Variants in CACNA1E observed in about 807,000 individuals in gnomAD.
CACNA1E encodes the protein calcium voltage-gated channel subunit alpha1 E.
Under a neutral mutation model 259.2 loss-of-function variants are expected in CACNA1E, and 40 were observed. That is an observed-to-expected ratio of 0.15 (90% CI 0.12 to 0.20). The LOEUF is 0.20. CACNA1E is among the 10% of genes least tolerant of loss of function. The probability of loss-of-function intolerance (pLI) is 1.00; values close to 1 mark genes in which losing one functional copy is unlikely to be tolerated. For synonymous variants in CACNA1E, 1,104 were observed against 1,138.5 expected, an observed-to-expected ratio of 0.97 and a Z score of 0.61; for missense variants, 1,874 against 3,040.1, an observed-to-expected ratio of 0.62 and a Z score of 9.02.
chr1:181,708,262 C>T (rs1228556006), intron 7 of CACNA1E, among the ~76,000 whole-genome samples: 1 of 152,116 alleles, frequency 6.6e-6, no homozygotes, highest in Non-Finnish European at 1.5e-5. Context: ...GCTTCATCCT[C>T]TTCATTGAGC....
At chr1:181,784,367 C>T (rs917641485) in intron 40 of CACNA1E, among the ~76,000 whole-genome samples, 2 of 152,168 alleles carry the variant, frequency 1.3e-5, no homozygotes, top group African/African-American at 2.4e-5. Flanking sequence ...TTATTTTCTC[C>T]TCTGATGTAT....
At chr1:181,766,497 T>A (rs1462198177) in intron 34 of CACNA1E, 49 bp from the exon 35 acceptor site, 1 of 1,411,532 alleles carries the variant, frequency 7.1e-7, no homozygotes, top group East Asian at 2.3e-5. Flanking sequence ...TTGTTGAGCT[T>A]GGGTGCTGCT....
At chr1:181,429,181 T>TA (rs1182460320) in intron 2 of CACNA1E, among the ~76,000 whole-genome samples, 16 of 151,646 alleles carry the variant, frequency 1.1e-4, no homozygotes, top group South Asian at 6.3e-4. Context: ...GATTCCATCT[T>TA]AAAAAAAACA....
At chr1:181,364,656 G>A (rs1043877299) in intron 1 of CACNA1E, among the ~76,000 whole-genome samples, 1 of 152,218 alleles carries the variant, frequency 6.6e-6, no homozygotes, top group African/African-American at 2.4e-5. Flanking sequence ...TCCTTGGTGA[G>A]TAGCTGTGCC....
chr1:181,759,453 A>C (rs1170194657), intron 32 of CACNA1E, among the ~76,000 whole-genome samples: 1 of 149,852 alleles, frequency 6.7e-6, no homozygotes, highest in Non-Finnish European at 1.5e-5. Context: ...AGGATTCTGG[A>C]ATTAAGTTTG....
intron 35 of CACNA1E, among the ~76,000 whole-genome samples, chr1:181,769,955 G>T (rs199925): frequency 0.81 from 123,005 of 152,036 alleles, 50,093 homozygotes; most frequent in South Asian, 0.87. Flanking sequence ...CCCTCTAGCT[G>T]CTTCTTCTCT....
intron 3 of CACNA1E, among the ~76,000 whole-genome samples, chr1:181,513,017 A>G (rs1433367534): frequency 2.0e-5 from 3 of 152,238 alleles, no homozygotes; most frequent in South Asian, 2.1e-4. Context: ...AAAGTGTTGT[A>G]TAAGTCACTA....
intron 3 of CACNA1E, among the ~76,000 whole-genome samples, chr1:181,563,739 C>T (rs898345242): frequency 1.3e-5 from 2 of 152,158 alleles, no homozygotes; most frequent in African/African-American, 4.8e-5. Flanking sequence ...TATACTGGCT[C>T]CATGCCAGTT....
intron 2 of CACNA1E, among the ~76,000 whole-genome samples, chr1:181,424,629 T>G (rs1253314802): frequency 6.6e-6 from 1 of 152,204 alleles, no homozygotes; most frequent in East Asian, 1.9e-4. Flanking sequence ...ATGCATAACC[T>G]CTCTGCCACT....
chr1:181,563,286 C>T (rs1371295714), intron 3 of CACNA1E, among the ~76,000 whole-genome samples: 1 of 152,090 alleles, frequency 6.6e-6, no homozygotes, highest in East Asian at 1.9e-4. Flanking sequence ...GCATCATAGG[C>T]AGAACTAGGA....
At chr1:181,504,972 A>G (rs1665582393) in intron 1 of CACNA1E, among the ~76,000 whole-genome samples, 1 of 152,174 alleles carries the variant, frequency 6.6e-6, no homozygotes. Context: ...AGTTTATGAA[A>G]TGAGGCCTCT....
chr1:181,483,042 G>T (rs763319914), upstream of CACNA1E, among the ~76,000 whole-genome samples: 48 of 152,234 alleles, frequency 3.2e-4, no homozygotes, highest in Non-Finnish European at 4.7e-4. Context: ...GGGCATTGCG[G>T]TTTACGCAGG....
Position 181,718,611 on chromosome 1 carries a change from AACACACACACACACACACACACAC to A in CACNA1E, c.1638+477_1638+500del, listed in dbSNP as rs60522141. ...AATTATCTAGATAGACCCTCATTCA[AACACACACACACACACACACACAC>A]ACACACACACACACACACACACACA... On this transcript the variant is annotated intron_variant, in intron 12 of 47. Transcript: ENST00000367573. Among the ~76,000 whole-genome samples, 119 of 124,312 alleles carry A rather than the reference AACACACACACACACACACACACAC, an allele frequency of 9.6e-4. 1 individual carries two copies. The highest frequency in any genetic ancestry group is 2.9e-3 in the African/African-American group (94 of 32,842). 81.6% of individuals were successfully genotyped at this position (124,312 alleles called of 152,430 possible).
At chr1:181,727,372 C>T (rs781711995) in intron 18 of CACNA1E, among the ~76,000 whole-genome samples, 3 of 152,118 alleles carry the variant, frequency 2.0e-5, no homozygotes, top group Non-Finnish European at 4.4e-5. Flanking sequence ...GAGTGGGTGC[C>T]GGTGCTACAT....
chr1:181,338,176 C>T (rs1254926614), intron 1 of CACNA1E, among the ~76,000 whole-genome samples: 1 of 152,172 alleles, frequency 6.6e-6, no homozygotes, highest in African/African-American at 2.4e-5. Context: ...ACCTCTGCCT[C>T]CCAGGTTCAA....
At chr1:181,759,523 T>A (rs1221959901) in intron 32 of CACNA1E, among the ~76,000 whole-genome samples, 3 of 152,054 alleles carry the variant, frequency 2.0e-5, no homozygotes, top group African/African-American at 7.2e-5. Flanking sequence ...TCTCCTCAAC[T>A]ACTATTAATA....
At chr1:181,406,984 A>T (rs1308701233) in intron 1 of CACNA1E, among the ~76,000 whole-genome samples, 2 of 152,224 alleles carry the variant, frequency 1.3e-5, no homozygotes, top group East Asian at 3.8e-4. Context: ...CTTGACTAGC[A>T]AGTGGCAGAA....
Position 181,762,608 on chromosome 1 carries a change from T to G in CACNA1E, c.4640T>G (p.Phe1547Cys), listed in dbSNP as rs1330704964. 6.2e-7 allele frequency: 1 copy of G among 1,610,832 alleles called. No homozygotes were observed. Among genetic ancestry groups the G allele is most frequent in the African/African-American group, 1.3e-5 (1 of 74,788 alleles). ...YFRDTWNIFD[F>C]ITVIGSITEI... ...CGAGACACCTGGAATATCTTTGACT[T>G]CATCACCGTGATTGGCAGTATCACA... The change falls in exon 33 of 48, where the codon TTC becomes TGC. Residue 1547 changes from phenylalanine to cysteine, a missense_variant. Transcript: ENST00000367573.
At chr1:181,755,514 C>T in intron 28 of CACNA1E, 117 bp downstream of exon 28, 1 of 808,320 alleles carries the variant, frequency 1.2e-6, no homozygotes. Flanking sequence ...GCTCTTCTTT[C>T]AGCAAAAAGA....
Sources: allele counts gnomAD v4.1 joint callset (sites outside exome capture counted in the v4.1 genomes callset), GRCh38; gene constraint gnomAD v4.1.1; transcripts MANE v1.5; gene names NCBI Gene and HGNC (gene_info 2026-07-23, HGNC 2026-07-21).